The following CCDC178 variants were observed in gnomAD, a reference collection of about 807,000 sequenced individuals.
CCDC178 encodes coiled-coil domain-containing protein 178.
CCDC178 carries 126 observed loss-of-function variants against 117.4 expected under a neutral mutation model. The observed-to-expected ratio is 1.07, with a 90% CI of 0.93 to 1.24. The LOEUF (loss-of-function observed/expected upper bound fraction) is 1.24. Among genes scored for constraint, CCDC178 ranks in the 50% most tolerant of loss-of-function variants. The pLI, the probability that CCDC178 is intolerant of heterozygous loss-of-function variation, is 0.00. For synonymous variants in CCDC178, 283 were observed against 313.4 expected (o/e 0.90, Z 1.02); for missense variants, 1,030 against 986.9 (o/e 1.04, Z -0.59).
chr18:33,097,609 G>A (rs1351736987), intron 20 of CCDC178, among the ~76,000 whole-genome samples: 2 of 152,038 alleles, frequency 1.3e-5, no homozygotes, highest in African/African-American at 4.8e-5. Context: ...TCCAGATCCT[G>A]TACCCTTAAC....
intron 5 of CCDC178, among the ~76,000 whole-genome samples, chr18:33,379,895 G>A (rs1250884188): frequency 6.6e-6 from 1 of 152,152 alleles, no homozygotes; most frequent in East Asian, 1.9e-4. Context: ...GGGAAGGGTA[G>A]TACAACTCAG....
At chr18:33,046,437 T>G (rs1416481878) in intron 21 of CCDC178, among the ~76,000 whole-genome samples, 26 of 152,138 alleles carry the variant, frequency 1.7e-4, no homozygotes, top group Admixed American at 1.7e-3. Context: ...GAGAGACAAC[T>G]TCTCATATAC....
At chr18:33,277,395 G>A (rs1400252394) in intron 12 of CCDC178, among the ~76,000 whole-genome samples, 3 of 152,038 alleles carry the variant, frequency 2.0e-5, no homozygotes, top group Non-Finnish European at 4.4e-5. Context: ...TCTATATGAG[G>A]AAACCCTTTA....
rs1599175662 is a variant in CCDC178 at position 33,333,303 on chromosome 18, T to C, written c.750A>G (p.Thr250=). Residue 250 remains threonine, a synonymous_variant, in exon 10 of 23, where the codon ACA becomes ACG. Transcript: ENST00000383096. ...TCTTTGCATTTGCTTCTTCTAACTC[T>C]GTCTTTTGTTTTTCAAAATGTTGTA... ...NQLQHFEKQK[T]ELEEANAKIQ... The C allele has an allele frequency of 6.2e-7, 1 of 1,612,672 alleles. No individual in the cohort carries two copies. The highest frequency in any genetic ancestry group is 1.7e-5 in the Admixed American group (1 of 60,004).
At chr18:33,357,067 T>C (rs2063067503) in intron 6 of CCDC178, among the ~76,000 whole-genome samples, 2 of 151,752 alleles carry the variant, frequency 1.3e-5, no homozygotes, top group Admixed American at 1.3e-4. Context: ...CAATTACCAA[T>C]CAGGAAACCT....
At chr18:32,966,767 AT>A (rs1020111539) in intron 22 of CCDC178, among the ~76,000 whole-genome samples, 6 of 151,844 alleles carry the variant, frequency 4.0e-5, no homozygotes, top group Admixed American at 6.6e-5. Context: ...TGGATTTAAA[AT>A]TTGATATCTA....
chr18:33,161,931 C>G (rs1024253192), intron 20 of CCDC178, among the ~76,000 whole-genome samples: 2 of 152,102 alleles, frequency 1.3e-5, no homozygotes, highest in African/African-American at 2.4e-5. Context: ...TGGGTATATA[C>G]CCAGTAATGG....
chr18:33,185,270 C>T (rs2058777299), intron 20 of CCDC178, among the ~76,000 whole-genome samples: 1 of 151,876 alleles, frequency 6.6e-6, no homozygotes, highest in Admixed American at 6.6e-5. Flanking sequence ...AGAGAAAACC[C>T]CAATTTCTTC....
chr18:33,026,829 T>C (rs188157005), intron 21 of CCDC178, among the ~76,000 whole-genome samples: 1 of 152,002 alleles, frequency 6.6e-6, no homozygotes, highest in Admixed American at 6.6e-5. Flanking sequence ...AGTAACATCC[T>C]TCTAAGGTGA....
At chr18:33,147,720 A>C (rs1568017350) in intron 20 of CCDC178, among the ~76,000 whole-genome samples, 1 of 152,204 alleles carries the variant, frequency 6.6e-6, no homozygotes, top group Non-Finnish European at 1.5e-5. Context: ...CCAAGGCACA[A>C]GAATTTTTCT....
chr18:33,371,402 T>C lies in CCDC178; in HGVS notation c.209-1213A>G, dbSNP rs1313899468. ...ATTTTTTTAATCCCCACAACAATCTTATAAAATGGGATTATTATCTTGATT... is the reference window on the plus strand; with the variant it reads ...ATTTTTTTAATCCCCACAACAATCTCATAAAATGGGATTATTATCTTGATT... On this transcript the variant is annotated intron_variant, in intron 5 of 22. Coordinates refer to ENST00000383096, the MANE Select transcript of CCDC178 (RefSeq NM_001105528.4). Among the ~76,000 whole-genome samples, 4 of 152,022 alleles carry C rather than the reference T, an allele frequency of 2.6e-5. No homozygotes were observed. In the East Asian group the frequency reaches 7.8e-4, roughly 30 times the overall value.
intron 21 of CCDC178, among the ~76,000 whole-genome samples, chr18:33,053,786 T>C (rs2056783798): frequency 6.6e-6 from 1 of 152,222 alleles, no homozygotes; most frequent in Non-Finnish European, 1.5e-5. Flanking sequence ...TCTCAAGTTA[T>C]GTAAATTTTA....
intron 22 of CCDC178, among the ~76,000 whole-genome samples, chr18:32,962,977 T>G (rs1229182623): frequency 6.6e-6 from 1 of 152,046 alleles, no homozygotes; most frequent in African/African-American, 2.4e-5. Context: ...CAACCCTAAA[T>G]TAGCCTGATA....
At chr18:33,049,872 A>T (rs1025419420) in intron 21 of CCDC178, among the ~76,000 whole-genome samples, 2 of 151,244 alleles carry the variant, frequency 1.3e-5, no homozygotes, top group Non-Finnish European at 2.9e-5. Context: ...ACTTGAGGTA[A>T]GGAGTTCGAG....
At chr18:32,976,218 TA>T (rs1162151165) in intron 21 of CCDC178, among the ~76,000 whole-genome samples, 3 of 151,968 alleles carry the variant, frequency 2.0e-5, no homozygotes, top group African/African-American at 2.4e-5. Context: ...TTGTCAAACT[TA>T]AAAAAAATTG....
At chr18:33,439,316 T>C (rs573283757) in intron 2 of CCDC178, among the ~76,000 whole-genome samples, 63 of 152,220 alleles carry the variant, frequency 4.1e-4, no homozygotes, top group Admixed American at 2.0e-3. Flanking sequence ...GAGTCTAAGG[T>C]TGTGTTGAAT....
intron 20 of CCDC178, among the ~76,000 whole-genome samples, chr18:33,143,209 T>C (rs1424148977): frequency 6.6e-6 from 1 of 152,196 alleles, no homozygotes; most frequent in Non-Finnish European, 1.5e-5. Flanking sequence ...ACAAATAATA[T>C]GTTTTAATCG....
chr18:33,402,867 C>A (rs1425968017), intron 3 of CCDC178, among the ~76,000 whole-genome samples: 1 of 152,164 alleles, frequency 6.6e-6, no homozygotes, highest in Non-Finnish European at 1.5e-5. Context: ...TGCCTGGCTT[C>A]AAGGAAATAT....
chr18:32,972,597 T>G (rs1039752071), intron 22 of CCDC178, among the ~76,000 whole-genome samples: 1 of 151,938 alleles, frequency 6.6e-6, no homozygotes, highest in Non-Finnish European at 1.5e-5. Flanking sequence ...TAAACAGGCA[T>G]GATAAAAATG....
Sources: allele counts gnomAD v4.1 joint callset (sites outside exome capture counted in the v4.1 genomes callset), GRCh38; gene constraint gnomAD v4.1.1; transcripts MANE v1.5; gene names NCBI Gene and HGNC (gene_info 2026-07-23, HGNC 2026-07-21).